Variants in PUM2 observed in about 807,000 individuals in gnomAD.
PUM2 encodes the protein pumilio homolog 2.
In PUM2, 57 loss-of-function variants were observed where a neutral mutation model predicts 124.5. The ratio of observed to expected loss-of-function variants is 0.46; its 90% CI spans 0.37 to 0.57. The LOEUF (loss-of-function observed/expected upper bound fraction) is 0.57. Ranked by LOEUF, PUM2 falls within the 20% of genes least tolerant of loss-of-function variation. The pLI is 0.00. For synonymous variants in PUM2, 460 were observed against 446.1 expected, an observed-to-expected ratio of 1.03 and a Z score of -0.39; for missense variants, 1,065 against 1,290.6, an observed-to-expected ratio of 0.83 and a Z score of 2.68.
At chr2:20,309,644 A>T (rs976789718) in intron 5 of PUM2, among the ~76,000 whole-genome samples, 2 of 152,142 alleles carry the variant, frequency 1.3e-5, no homozygotes, top group African/African-American at 4.8e-5. Context: ...GAAAGAGTTT[A>T]TTGTTCAGAG....
chr2:20,337,480 C>T (rs1393316696), intron 1 of PUM2, among the ~76,000 whole-genome samples: 1 of 152,138 alleles, frequency 6.6e-6, no homozygotes, highest in Admixed American at 6.6e-5. Context: ...ACTTACTATT[C>T]TCTCTACATG....
At chr2:20,279,550 C>G (rs1671015954) in intron 12 of PUM2, among the ~76,000 whole-genome samples, 2 of 152,186 alleles carry the variant, frequency 1.3e-5, no homozygotes, top group Admixed American at 1.3e-4. Flanking sequence ...CTCCTGAGCC[C>G]CTTACTCAAG....
In PUM2 at chr2:20,260,357, C is replaced by A; in HGVS notation, c.2335G>T (p.Val779Phe). 1 of 1,612,084 alleles carries A rather than the reference C, an allele frequency of 6.2e-7. No homozygotes were observed. The highest frequency in any genetic ancestry group is 8.5e-7 in the Non-Finnish European group (1 of 1,178,868). ...QLMTDVFGNY[V>F]IQKFFEFGSL... Reference sequence around the variant, plus strand: ...CTTACCTCAAAAAACTTCTGTATAACATAGTTGCCAAAAACATCAGTCATT... The same window carrying A: ...CTTACCTCAAAAAACTTCTGTATAAAATAGTTGCCAAAAACATCAGTCATT... The change falls in exon 15 of 21, where the codon GTT becomes TTT. Residue 779 changes from valine (V) to phenylalanine (F), a missense_variant. This residue lies in a region of PUM2 where 968 missense variants were observed against 1,159.8 expected (regional missense o/e 0.83). Transcript: ENST00000361078.
chr2:20,303,641 C>T (rs1383979358), intron 7 of PUM2, among the ~76,000 whole-genome samples: 1 of 152,190 alleles, frequency 6.6e-6, no homozygotes. Flanking sequence ...TACTTACTCC[C>T]TAACTCATTC....
At chr2:20,293,470 AG>A (rs1453185779) in intron 9 of PUM2, among the ~76,000 whole-genome samples, 5 of 152,232 alleles carry the variant, frequency 3.3e-5, no homozygotes, top group African/African-American at 1.2e-4. Flanking sequence ...GCACTTTGAA[AG>A]GTCGAGGTGG....
At chr2:20,269,105 T>C (rs1050647361) in intron 13 of PUM2, among the ~76,000 whole-genome samples, 3 of 152,152 alleles carry the variant, frequency 2.0e-5, no homozygotes, top group Non-Finnish European at 4.4e-5. Flanking sequence ...TCTGCTATGC[T>C]TCCTAGAGAA....
intron 3 of PUM2, among the ~76,000 whole-genome samples, chr2:20,314,482 G>C (rs1034550469): frequency 6.6e-6 from 1 of 152,132 alleles, no homozygotes; most frequent in Admixed American, 6.5e-5. Flanking sequence ...TAATACATTT[G>C]AGGCAACATT....
At chr2:20,342,283 G>A (rs1188378070) in intron 1 of PUM2, among the ~76,000 whole-genome samples, 1 of 152,178 alleles carries the variant, frequency 6.6e-6, no homozygotes, top group Non-Finnish European at 1.5e-5. Context: ...TTTCCTAAGT[G>A]TGCTCCTTAT....
chr2:20,291,007 T>C (rs994338010), intron 9 of PUM2, among the ~76,000 whole-genome samples: 3 of 152,038 alleles, frequency 2.0e-5, no homozygotes, highest in Non-Finnish European at 4.4e-5. Flanking sequence ...TAAAGCAACA[T>C]GGAGGTTACA....
chr2:20,285,152 T>C (rs912157490), intron 10 of PUM2, among the ~76,000 whole-genome samples: 2 of 152,226 alleles, frequency 1.3e-5, no homozygotes, highest in Admixed American at 6.5e-5. Flanking sequence ...ATTTTGCGTA[T>C]ATAAATTCCC....
rs201882701 is a variant in PUM2 at position 20,296,494 on chromosome 2, CAA to C, written c.1009+1057_1009+1058del. On this transcript the variant is annotated intron_variant, in intron 8 of 20. Transcript: ENST00000361078. ...TGGGCAACAGAGCGAGACTCTGTCT[CAA>C]AAAAAAAAAAAAAGTCAGTCTCCTA... Among the ~76,000 whole-genome samples the C allele has an allele frequency of 4.8e-3, 619 of 129,370 alleles. 4 individuals carry two copies. Among genetic ancestry groups the C allele is most frequent in the African/African-American group, 0.016 (543 of 34,878 alleles). The allele number at this position is 129,370 out of a possible 152,430, so 84.9% of individuals were successfully genotyped here. A position where few individuals can be genotyped will look rare whatever the true frequency, so the allele number is the denominator to read the frequency against.
At chr2:20,260,894 T>C (rs1238427434) in intron 14 of PUM2, among the ~76,000 whole-genome samples, 3 of 152,146 alleles carry the variant, frequency 2.0e-5, no homozygotes, top group African/African-American at 2.4e-5. Context: ...CAAGGCTCAT[T>C]TGTTACTCTG....
chr2:20,305,360 C>G (rs548407010), intron 7 of PUM2, among the ~76,000 whole-genome samples: 20 of 149,626 alleles, frequency 1.3e-4, no homozygotes, highest in African/African-American at 4.4e-4. Context: ...GCCTATAGTC[C>G]CAAGCTATGT....
chr2:20,254,805 T>A (rs1011629576), intron 19 of PUM2, 58 bp downstream of exon 19: 1 of 1,544,580 alleles, frequency 6.5e-7, no homozygotes, highest in Non-Finnish European at 8.9e-7. Flanking sequence ...CTGTGATAAC[T>A]AATAAAAGTC....
At chr2:20,263,626 C>A (rs1234597063) in intron 13 of PUM2, among the ~76,000 whole-genome samples, 166 bp from the exon 14 acceptor site, 1 of 152,140 alleles carries the variant, frequency 6.6e-6, no homozygotes, top group Non-Finnish European at 1.5e-5. Context: ...CACCCATATA[C>A]CTCATGTATG....
At chr2:20,299,562 G>A (rs1462760488) in intron 7 of PUM2, among the ~76,000 whole-genome samples, 1 of 152,056 alleles carries the variant, frequency 6.6e-6, no homozygotes, top group Non-Finnish European at 1.5e-5. Context: ...CAGCTACTCG[G>A]GAGGCTGAGG....
At chr2:20,271,469 G>A (rs547636917) in intron 13 of PUM2, among the ~76,000 whole-genome samples, 34 of 151,984 alleles carry the variant, frequency 2.2e-4, no homozygotes, top group South Asian at 1.7e-3. Context: ...ACATGTCACC[G>A]CACCCGGCTA....
intron 12 of PUM2, 47 bp downstream of exon 12, chr2:20,282,900 T>TACCTG: frequency 6.4e-7 from 1 of 1,560,282 alleles, no homozygotes. Context: ...CACACTCATA[T>TACCTG]ACCTCTTCCA....
chr2:20,348,184 A>C (rs1452584597), intron 1 of PUM2, among the ~76,000 whole-genome samples: 1 of 151,436 alleles, frequency 6.6e-6, no homozygotes, highest in African/African-American at 2.4e-5. Context: ...AATAATAATA[A>C]TAATAAAGAA....
Sources: allele counts gnomAD v4.1 joint callset (sites outside exome capture counted in the v4.1 genomes callset), GRCh38; gene constraint gnomAD v4.1.1; regional missense constraint gnomAD v4.1.1; transcripts MANE v1.5; gene names NCBI Gene and HGNC (gene_info 2026-07-23, HGNC 2026-07-21).